The following ATXN7L1 variants were observed in gnomAD, a reference collection of about 807,000 sequenced individuals.
ATXN7L1 encodes ataxin 7 like 1.
A neutral mutation model predicts 70.8 loss-of-function variants in ATXN7L1; 15 were observed. The ratio of observed to expected loss-of-function variants is 0.21; its 90% CI spans 0.14 to 0.33. ATXN7L1 has a LOEUF of 0.33. Among genes scored for constraint, ATXN7L1 ranks in the 10% least tolerant of loss-of-function variants. The pLI, the probability that ATXN7L1 is intolerant of heterozygous loss-of-function variation, is 1.00. For synonymous variants in ATXN7L1, 440 were observed against 445.1 expected (o/e 0.99, Z 0.14); for missense variants, 975 against 1,097.1 (o/e 0.89, Z 1.57).
intron 3 of ATXN7L1, among the ~76,000 whole-genome samples, chr7:105,771,253 A>T (rs1399748700): frequency 1.3e-5 from 2 of 148,912 alleles, no homozygotes; most frequent in East Asian, 4.1e-4. Flanking sequence ...GACCTACTGA[A>T]TTGAATCAGA....
chr7:105,785,424 C>G (rs926200749), intron 3 of ATXN7L1, among the ~76,000 whole-genome samples: 1 of 152,090 alleles, frequency 6.6e-6, no homozygotes, highest in Non-Finnish European at 1.5e-5. Context: ...TGAGATTATA[C>G]CACTGCACTA....
At chr7:105,626,929 A>G (rs1039144229) in intron 7 of ATXN7L1, among the ~76,000 whole-genome samples, 1 of 152,226 alleles carries the variant, frequency 6.6e-6, no homozygotes, top group East Asian at 1.9e-4. Flanking sequence ...TGGGTAGTAC[A>G]TACTATTTTG....
intron 3 of ATXN7L1, among the ~76,000 whole-genome samples, chr7:105,710,769 G>C (rs74544753): frequency 0.077 from 11,647 of 152,162 alleles, 512 homozygotes; most frequent in South Asian, 0.14. Flanking sequence ...CACTTTTAAA[G>C]CATCAGATCT....
intron 3 of ATXN7L1, among the ~76,000 whole-genome samples, chr7:105,736,649 T>C (rs2116347976): frequency 6.6e-6 from 1 of 152,310 alleles, no homozygotes; most frequent in South Asian, 2.1e-4. Context: ...ATTGGAGCTG[T>C]AAACCAGGCC....
chr7:105,834,321 C>A (rs781088817), intron 2 of ATXN7L1, among the ~76,000 whole-genome samples: 64 of 152,202 alleles, frequency 4.2e-4, no homozygotes, highest in African/African-American at 1.4e-3. Flanking sequence ...GGATTACATA[C>A]GTGAGCCACC....
intron 3 of ATXN7L1, among the ~76,000 whole-genome samples, chr7:105,665,904 C>T (rs751958836): frequency 3.9e-5 from 6 of 152,166 alleles, no homozygotes; most frequent in East Asian, 1.9e-4. Context: ...AGGATGTCAA[C>T]GCTTGAGGCA....
chr7:105,736,232 T>C (rs1338481800), intron 3 of ATXN7L1, among the ~76,000 whole-genome samples: 1 of 152,188 alleles, frequency 6.6e-6, no homozygotes, highest in Non-Finnish European at 1.5e-5. Context: ...GCAGAATGCA[T>C]GAGGAACAGG....
intron 3 of ATXN7L1, among the ~76,000 whole-genome samples, chr7:105,751,328 C>T (rs932443112): frequency 1.2e-4 from 18 of 152,264 alleles, no homozygotes; most frequent in Admixed American, 2.6e-4. Context: ...AAAATCCCCA[C>T]GTAACCAGCA....
At chr7:105,806,085 A>T (rs563647338) in intron 2 of ATXN7L1, among the ~76,000 whole-genome samples, 8 of 152,198 alleles carry the variant, frequency 5.3e-5, no homozygotes, top group African/African-American at 1.9e-4. Flanking sequence ...CCACTGTGGG[A>T]AATGACTTAG....
intron 7 of ATXN7L1, among the ~76,000 whole-genome samples, chr7:105,633,250 C>T (rs1215550312): frequency 6.6e-6 from 1 of 152,134 alleles, no homozygotes; most frequent in Non-Finnish European, 1.5e-5. Context: ...GAAAGAGGTA[C>T]TTCATCAAAA....
chr7:105,610,778 G>A (rs895727885), intron 10 of ATXN7L1, among the ~76,000 whole-genome samples, 175 bp from the exon 11 acceptor site: 1 of 152,220 alleles, frequency 6.6e-6, no homozygotes, highest in Non-Finnish European at 1.5e-5. Context: ...ATGTTGCAGA[G>A]GGTGCCTTGA....
At chr7:105,672,474 G>A (rs1290207027) in intron 3 of ATXN7L1, among the ~76,000 whole-genome samples, 2 of 152,206 alleles carry the variant, frequency 1.3e-5, no homozygotes, top group Non-Finnish European at 2.9e-5. Flanking sequence ...TTAATGTGCT[G>A]TAGATTATTT....
At chr7:105,648,600 C>A (rs1197622257) in intron 4 of ATXN7L1, among the ~76,000 whole-genome samples, 1 of 152,070 alleles carries the variant, frequency 6.6e-6, no homozygotes, top group Non-Finnish European at 1.5e-5. Context: ...AAGAGCCCCA[C>A]CCCCCACCTC....
chr7:105,664,575 G>GTGTATGTGTGTATATATATA, intron 4 of ATXN7L1, among the ~76,000 whole-genome samples: 4 of 131,982 alleles, frequency 3.0e-5, no homozygotes, highest in African/African-American at 1.1e-4. Context: ...GTATGTGTGT[G>GTGTATGTGTGTATATATATA]TATATATATA....
chr7:105,617,112 C>T (rs973446970), intron 9 of ATXN7L1, among the ~76,000 whole-genome samples: 11 of 151,872 alleles, frequency 7.2e-5, no homozygotes, highest in African/African-American at 1.5e-4. Flanking sequence ...CTGCAGGCTC[C>T]GCCTCCCGGG....
intron 3 of ATXN7L1, among the ~76,000 whole-genome samples, chr7:105,729,430 CTTTT>C (rs34133732): frequency 6.9e-5 from 9 of 130,288 alleles, no homozygotes; most frequent in Non-Finnish European, 1.1e-4. Flanking sequence ...ATCCCTACTT[CTTTT>C]TTTTTTTTTT....
At chr7:105,867,672 C>T (rs1231488557) in intron 2 of ATXN7L1, among the ~76,000 whole-genome samples, 1 of 152,218 alleles carries the variant, frequency 6.6e-6, no homozygotes, top group Non-Finnish European at 1.5e-5. Flanking sequence ...GAGTAATCGA[C>T]AAGGCTGACT....
intron 3 of ATXN7L1, among the ~76,000 whole-genome samples, chr7:105,726,897 C>T (rs895924497): frequency 6.6e-6 from 1 of 152,226 alleles, no homozygotes; most frequent in African/African-American, 2.4e-5. Context: ...CCATTATAGA[C>T]ACTATCCCTC....
chr7:105,820,023 GA>G (rs1809880730), intron 2 of ATXN7L1: 1 of 423,926 alleles, frequency 2.4e-6, no homozygotes, highest in South Asian at 1.8e-5. Context: ...TGAGGCTATG[GA>G]AACCGGGTGA....
Sources: allele counts gnomAD v4.1 joint callset (sites outside exome capture counted in the v4.1 genomes callset), GRCh38; gene constraint gnomAD v4.1.1; transcripts MANE v1.5; gene names NCBI Gene and HGNC (gene_info 2026-07-23, HGNC 2026-07-21).